The following COL25A1 variants were observed in gnomAD, a reference collection of about 807,000 sequenced individuals.
COL25A1 encodes collagen type XXV alpha 1 chain, also known as collagen alpha-1(XXV) chain.
In COL25A1, 103 loss-of-function variants were observed where a neutral mutation model predicts 128.4. That is an observed-to-expected ratio of 0.80 (90% CI 0.68 to 0.94). The LOEUF (loss-of-function observed/expected upper bound fraction) is 0.94, where lower values mean the gene tolerates loss of function less well. COL25A1 is among the 40% of genes least tolerant of loss of function. COL25A1 has a pLI of 0.00. For missense variants in COL25A1, 745 were observed against 840.0 expected, an observed-to-expected ratio of 0.89 and a Z score of 1.40; for synonymous variants, 279 against 277.2, an observed-to-expected ratio of 1.01 and a Z score of -0.06.
At chr4:108,917,418 C>T (rs372550165) in intron 13 of COL25A1, among the ~76,000 whole-genome samples, 20 of 152,142 alleles carry the variant, frequency 1.3e-4, no homozygotes, top group African/African-American at 4.3e-4. Context: ...ACAGGAAAGT[C>T]CCTCGCTCAG....
At chr4:108,899,216 C>CATAAAATGATA (rs1560826793) in intron 14 of COL25A1, 36 bp from the exon 15 acceptor site, 1 of 1,572,502 alleles carries the variant, frequency 6.4e-7, no homozygotes, top group East Asian at 2.3e-5. Flanking sequence ...GACATCAAAT[C>CATAAAATGATA]ATAAAACACC....
intron 13 of COL25A1, among the ~76,000 whole-genome samples, chr4:108,914,079 T>G (rs1024482932): frequency 1.3e-5 from 2 of 152,202 alleles, no homozygotes; most frequent in African/African-American, 4.8e-5. Flanking sequence ...ACATTTTATA[T>G]TTTTAGGTAG....
chr4:109,163,786 T>A (rs1437634776), intron 3 of COL25A1, among the ~76,000 whole-genome samples: 1 of 152,214 alleles, frequency 6.6e-6, no homozygotes, highest in Admixed American at 6.5e-5. Flanking sequence ...CAAATCCTGC[T>A]GGTTTCTGGT....
intron 31 of COL25A1, among the ~76,000 whole-genome samples, chr4:108,835,903 G>A (rs1578492075): frequency 1.2e-5 from 1 of 83,090 alleles, no homozygotes; most frequent in East Asian, 3.6e-4. Flanking sequence ...ACGGACTCTC[G>A]CTCTGTTGCC....
intron 8 of COL25A1, among the ~76,000 whole-genome samples, chr4:108,973,259 AT>A (rs1752100545): frequency 6.6e-6 from 1 of 152,210 alleles, no homozygotes; most frequent in Non-Finnish European, 1.5e-5. Flanking sequence ...ATCTCCTAAA[AT>A]GAGCATTTGG....
chr4:109,056,275 G>A (rs527831894), intron 3 of COL25A1, among the ~76,000 whole-genome samples: 2 of 152,046 alleles, frequency 1.3e-5, no homozygotes, highest in Non-Finnish European at 2.9e-5. Flanking sequence ...TTGCTAGTAA[G>A]ATTTTTACTG....
At chr4:108,901,026 G>T in intron 14 of COL25A1, 93 bp downstream of exon 14, 1 of 972,996 alleles carries the variant, frequency 1.0e-6, no homozygotes. Context: ...AAGTGCAACT[G>T]GTGAGATTGT....
intron 13 of COL25A1, among the ~76,000 whole-genome samples, chr4:108,912,780 A>G (rs1460870426): frequency 1.3e-5 from 2 of 152,188 alleles, no homozygotes; most frequent in Non-Finnish European, 2.9e-5. Context: ...GCTTCAATTT[A>G]TCTATTCTCT....
At chr4:108,926,549 C>T (rs1422932047) in intron 11 of COL25A1, among the ~76,000 whole-genome samples, 2 of 152,098 alleles carry the variant, frequency 1.3e-5, no homozygotes, top group Non-Finnish European at 2.9e-5. Flanking sequence ...AACACGTATA[C>T]TCTAACTTAT....
chr4:109,217,862 C>A (rs1778118723), intron 3 of COL25A1, among the ~76,000 whole-genome samples: 1 of 152,194 alleles, frequency 6.6e-6, no homozygotes, highest in Non-Finnish European at 1.5e-5. Context: ...AGTATAGACA[C>A]AACCATTCTT....
intron 35 of COL25A1, among the ~76,000 whole-genome samples, chr4:108,820,508 C>CT (rs569274404): frequency 1.8e-3 from 270 of 152,226 alleles, no homozygotes; most frequent in African/African-American, 5.2e-3. Context: ...TACAGCAAAA[C>CT]TTTTTTTAAA....
chr4:109,065,754 A>G (rs1390838508), intron 3 of COL25A1, among the ~76,000 whole-genome samples: 1 of 152,172 alleles, frequency 6.6e-6, no homozygotes, highest in African/African-American at 2.4e-5. Flanking sequence ...TGCCAGTCTA[A>G]TGACTATCTC....
intron 3 of COL25A1, among the ~76,000 whole-genome samples, chr4:109,140,670 T>TCTTCA (rs1770312726): frequency 6.6e-6 from 1 of 152,176 alleles, no homozygotes; most frequent in African/African-American, 2.4e-5. Context: ...GTTGGATTCC[T>TCTTCA]AGGTATTTTA....
chr4:109,244,433 C>A (rs1350758265), intron 3 of COL25A1, among the ~76,000 whole-genome samples: 1 of 152,068 alleles, frequency 6.6e-6, no homozygotes, highest in Admixed American at 6.6e-5. Flanking sequence ...CCCACTCTTC[C>A]CCTTCTATTA....
chr4:109,062,996 C>G (rs1381828203), intron 3 of COL25A1, among the ~76,000 whole-genome samples: 1 of 152,208 alleles, frequency 6.6e-6, no homozygotes, highest in Non-Finnish European at 1.5e-5. Flanking sequence ...CCTATGCCAT[C>G]AACACTTTAT....
At chr4:109,043,832 G>A (rs908584574) in intron 5 of COL25A1, among the ~76,000 whole-genome samples, 2 of 152,062 alleles carry the variant, frequency 1.3e-5, no homozygotes, top group Non-Finnish European at 2.9e-5. Flanking sequence ...ATTTTTAAGT[G>A]ATCCAAAATA....
chr4:108,854,097 G>A (rs893540587), intron 24 of COL25A1: 2 of 152,142 alleles, frequency 1.3e-5, no homozygotes, highest in African/African-American at 2.4e-5. Flanking sequence ...TGACAAACCT[G>A]ACAAAAACAA....
At chr4:109,279,328 G>A (rs111777851) in intron 3 of COL25A1, among the ~76,000 whole-genome samples, 199 of 152,138 alleles carry the variant, frequency 1.3e-3, no homozygotes, top group African/African-American at 4.3e-3. Flanking sequence ...ATACCTCTCC[G>A]GCTGGGTGCA....
chr4:109,048,614 T>C (rs1760681908), intron 4 of COL25A1, among the ~76,000 whole-genome samples: 1 of 152,218 alleles, frequency 6.6e-6, no homozygotes, highest in Admixed American at 6.5e-5. Flanking sequence ...GAATTTTTTA[T>C]TCATCATTAT....
Sources: allele counts gnomAD v4.1 joint callset (sites outside exome capture counted in the v4.1 genomes callset), GRCh38; gene constraint gnomAD v4.1.1; transcripts MANE v1.5; gene names NCBI Gene and HGNC (gene_info 2026-07-23, HGNC 2026-07-21).